The following CDH13 variants were observed in gnomAD, a reference collection of about 807,000 sequenced individuals.
CDH13 encodes cadherin-13.
CDH13 carries 24 observed loss-of-function variants against 63.8 expected under a neutral mutation model. The ratio of observed to expected loss-of-function variants is 0.38; its 90% CI spans 0.27 to 0.53. CDH13 has a LOEUF of 0.53. Ranked by LOEUF, CDH13 falls within the 20% of genes least tolerant of loss-of-function variation. The probability of loss-of-function intolerance (pLI) is 0.85; values close to 1 mark genes in which losing one functional copy is unlikely to be tolerated. For synonymous variants in CDH13, 503 were observed against 355.3 expected, an observed-to-expected ratio of 1.42 and a Z score of -4.67; for missense variants, 1,049 against 903.1, an observed-to-expected ratio of 1.16 and a Z score of -2.07.
intron 10 of CDH13, among the ~76,000 whole-genome samples, chr16:83,732,122 A>G (rs917738533): frequency 6.6e-6 from 1 of 152,212 alleles, no homozygotes; most frequent in Non-Finnish European, 1.5e-5. Flanking sequence ...GACAGTGTGG[A>G]GTTTCCATTC....
intron 6 of CDH13, among the ~76,000 whole-genome samples, chr16:83,449,692 C>G (rs2072827709): frequency 1.3e-5 from 2 of 152,106 alleles, no homozygotes; most frequent in Admixed American, 1.3e-4. Context: ...GGATCTGTGG[C>G]CAAATGATGG....
chr16:83,207,988 T>C (rs957082699), intron 4 of CDH13, among the ~76,000 whole-genome samples: 8 of 152,154 alleles, frequency 5.3e-5, no homozygotes, highest in Non-Finnish European at 1.2e-4. Flanking sequence ...GATCCCCTCA[T>C]TGTGTGTTGC....
chr16:83,102,759 G>C (rs1259258600), intron 3 of CDH13, among the ~76,000 whole-genome samples: 1 of 152,048 alleles, frequency 6.6e-6, no homozygotes, highest in Admixed American at 6.6e-5. Flanking sequence ...GAGCAAGGTG[G>C]TGGGAATTGG....
At chr16:83,437,325 A>G (rs546990765) in intron 6 of CDH13, among the ~76,000 whole-genome samples, 2 of 152,196 alleles carry the variant, frequency 1.3e-5, no homozygotes, top group South Asian at 2.1e-4. Context: ...ATTAATATCC[A>G]TAAAGCGTTT....
intron 1 of CDH13, among the ~76,000 whole-genome samples, chr16:82,720,986 C>G (rs574738655): frequency 6.6e-6 from 1 of 152,268 alleles, no homozygotes; most frequent in Admixed American, 6.5e-5. Context: ...TTAGCTCTCC[C>G]CACATGATTA....
chr16:82,640,122 G>C (rs568129074), intron 1 of CDH13, among the ~76,000 whole-genome samples: 10 of 152,216 alleles, frequency 6.6e-5, no homozygotes, highest in African/African-American at 2.2e-4. Flanking sequence ...GTAGTTTTGC[G>C]TAGTGATAGT....
chr16:82,947,541 C>T (rs969554435), intron 2 of CDH13, among the ~76,000 whole-genome samples: 4 of 151,756 alleles, frequency 2.6e-5, no homozygotes, highest in Non-Finnish European at 5.9e-5. Context: ...ACACATCTGC[C>T]TTAATTAATA....
chr16:82,859,207 T>C (rs940106281), intron 2 of CDH13: 1 of 152,242 alleles, frequency 6.6e-6, no homozygotes, highest in African/African-American at 2.4e-5. Flanking sequence ...CATTGTAGGC[T>C]CTTGAGTACC....
intron 1 of CDH13, among the ~76,000 whole-genome samples, chr16:82,799,564 G>T (rs2036751513): frequency 6.6e-6 from 1 of 152,180 alleles, no homozygotes; most frequent in African/African-American, 2.4e-5. Flanking sequence ...TAATCAAGGA[G>T]AAATAAATGG....
At chr16:83,213,771 G>C (rs62041828) in intron 4 of CDH13, among the ~76,000 whole-genome samples, 1 of 152,174 alleles carries the variant, frequency 6.6e-6, no homozygotes, top group Non-Finnish European at 1.5e-5. Flanking sequence ...TGGACTTCCT[G>C]GGTGGAGTGG....
intron 6 of CDH13, among the ~76,000 whole-genome samples, chr16:83,407,769 C>T (rs1490117175): frequency 6.6e-6 from 1 of 152,132 alleles, no homozygotes; most frequent in Non-Finnish European, 1.5e-5. Flanking sequence ...TTATTGTTCT[C>T]CTAAATTGAA....
chr16:83,610,091 T>C (rs533215801), intron 8 of CDH13, among the ~76,000 whole-genome samples: 1 of 152,230 alleles, frequency 6.6e-6, no homozygotes, highest in Non-Finnish European at 1.5e-5. Context: ...CATTCCATGG[T>C]TATACCACAT....
intron 2 of CDH13, among the ~76,000 whole-genome samples, chr16:82,985,109 T>C (rs891674598): frequency 5.9e-5 from 9 of 152,208 alleles, no homozygotes; most frequent in African/African-American, 2.2e-4. Context: ...TAAGTAATAG[T>C]AGTTGCTGTA....
chr16:82,838,583 C>G (rs1362371872), intron 1 of CDH13, among the ~76,000 whole-genome samples: 1 of 152,188 alleles, frequency 6.6e-6, no homozygotes, highest in Non-Finnish European at 1.5e-5. Flanking sequence ...TCTGGGCTTT[C>G]CAAATCTCAT....
chr16:83,122,278 C>T (rs1219454963), intron 3 of CDH13, among the ~76,000 whole-genome samples: 1 of 152,202 alleles, frequency 6.6e-6, no homozygotes, highest in Non-Finnish European at 1.5e-5. Flanking sequence ...AAGAGCTTTC[C>T]ATAGGCAACA....
At chr16:82,751,638 G>A (rs2034419396) in intron 1 of CDH13, among the ~76,000 whole-genome samples, 1 of 150,400 alleles carries the variant, frequency 6.6e-6, no homozygotes. Flanking sequence ...GCCTGAGAGA[G>A]CACAATATTA....
chr16:82,640,585 G>C (rs1178699243), intron 1 of CDH13, among the ~76,000 whole-genome samples: 1 of 152,128 alleles, frequency 6.6e-6, no homozygotes, highest in Non-Finnish European at 1.5e-5. Flanking sequence ...AGCTAGATTG[G>C]TCCTTCAGGC....
intron 11 of CDH13, among the ~76,000 whole-genome samples, chr16:83,760,155 G>A (rs1567577744): frequency 6.6e-6 from 1 of 152,080 alleles, no homozygotes; most frequent in Non-Finnish European, 1.5e-5. Flanking sequence ...ATACAATGAA[G>A]TGCAGTACAG....
At chr16:82,766,487 TCCTGATTCTG>T (rs1343945337) in intron 1 of CDH13, among the ~76,000 whole-genome samples, 8 of 152,228 alleles carry the variant, frequency 5.3e-5, no homozygotes, top group African/African-American at 1.7e-4. Flanking sequence ...TGGGTTGGAA[TCCTGATTCTG>T]CCAGTACACC....
Sources: allele counts gnomAD v4.1 joint callset (sites outside exome capture counted in the v4.1 genomes callset), GRCh38; gene constraint gnomAD v4.1.1; transcripts MANE v1.5; gene names NCBI Gene and HGNC (gene_info 2026-07-23, HGNC 2026-07-21).